The following DYNC1I1 variants were observed in gnomAD, a reference collection of about 807,000 sequenced individuals.
The protein encoded by DYNC1I1 is cytoplasmic dynein 1 intermediate chain 1.
Under a neutral mutation model 86.6 loss-of-function variants are expected in DYNC1I1, and 43 were observed. The observed-to-expected ratio is 0.50, with a 90% CI of 0.39 to 0.64. DYNC1I1 has a LOEUF of 0.64. DYNC1I1 is among the 30% of genes least tolerant of loss of function. The probability of loss-of-function intolerance (pLI) is 0.00; values close to 1 mark genes in which losing one functional copy is unlikely to be tolerated. For synonymous variants in DYNC1I1, 262 were observed against 283.7 expected, an observed-to-expected ratio of 0.92 and a Z score of 0.77; for missense variants, 604 against 788.8, an observed-to-expected ratio of 0.77 and a Z score of 2.81.
At chr7:95,976,014 G>A (rs929224873) in intron 6 of DYNC1I1, among the ~76,000 whole-genome samples, 1 of 152,278 alleles carries the variant, frequency 6.6e-6, no homozygotes, top group African/African-American at 2.4e-5. Context: ...TACGGATAAG[G>A]ACATAGATAT....
chr7:95,933,202 C>G (rs914771815), intron 6 of DYNC1I1, among the ~76,000 whole-genome samples: 1 of 152,094 alleles, frequency 6.6e-6, no homozygotes, highest in Non-Finnish European at 1.5e-5. Context: ...TTTATTTATA[C>G]TTTTTAAAAA....
At chr7:96,078,685 C>A (rs1790419672) in intron 15 of DYNC1I1, among the ~76,000 whole-genome samples, 1 of 151,966 alleles carries the variant, frequency 6.6e-6, no homozygotes, top group Non-Finnish European at 1.5e-5. Flanking sequence ...ACATTTTATT[C>A]TATTTTTAAG....
At chr7:95,867,385 A>G (rs1361470738) in intron 5 of DYNC1I1, among the ~76,000 whole-genome samples, 1 of 152,228 alleles carries the variant, frequency 6.6e-6, no homozygotes, top group Non-Finnish European at 1.5e-5. Context: ...TTTACAGATA[A>G]GAAACATGAG....
At chr7:95,826,549 G>A (rs1795207553) in intron 4 of DYNC1I1, among the ~76,000 whole-genome samples, 1 of 152,074 alleles carries the variant, frequency 6.6e-6, no homozygotes, top group Non-Finnish European at 1.5e-5. Context: ...ACAGTTCTAG[G>A]CATATCCCTA....
At chr7:95,776,856 T>C (rs1793854074) in intron 1 of DYNC1I1, among the ~76,000 whole-genome samples, 1 of 152,194 alleles carries the variant, frequency 6.6e-6, no homozygotes, top group Non-Finnish European at 1.5e-5. Context: ...TTTATAGATG[T>C]GTTAGTTCAT....
chr7:95,883,210 A>T (rs759984851), intron 6 of DYNC1I1, among the ~76,000 whole-genome samples: 5 of 152,182 alleles, frequency 3.3e-5, no homozygotes, highest in African/African-American at 4.8e-5. Flanking sequence ...ACTTTTTAAA[A>T]AGACCTCACA....
intron 6 of DYNC1I1, among the ~76,000 whole-genome samples, chr7:95,973,261 T>C (rs1469197814): frequency 1.3e-5 from 2 of 152,226 alleles, no homozygotes; most frequent in Non-Finnish European, 2.9e-5. Context: ...AAATATACTC[T>C]CTTTGCTGAG....
At position 95,775,924 on chromosome 7, in the gene DYNC1I1, A is replaced by G. The variant is rs147878077; in HGVS notation, c.-10+3151A>G. Among the ~76,000 whole-genome samples the G allele has an allele frequency of 2.4e-4, 36 of 152,344 alleles. No individual in the cohort carries two copies. The East Asian group carries it at 6.6e-3, about 28-fold the overall frequency. The stretch of plus-strand genomic sequence containing the variant: ...CTCTCATTTTTCTTCTTTGCAATGT[A>G]TAAACCCTTGACGAGGTCCATGTAA... On this transcript the variant is annotated intron_variant, in intron 1 of 16. Coordinates refer to ENST00000447467, the MANE Select transcript of DYNC1I1 (RefSeq NM_001135556.2).
At position 95,930,952 on chromosome 7, in the gene DYNC1I1, T is replaced by G. The variant is rs984535238; in HGVS notation, c.491-46560T>G. ...AGTATTTCAGTGTTCACAGGACAGC[T>G]AATTGGAGAACAAAGCCCTGGCATT... On this transcript the variant is annotated intron_variant, in intron 6 of 16. Coordinates refer to ENST00000447467, the MANE Select transcript of DYNC1I1 (RefSeq NM_001135556.2). Among the ~76,000 whole-genome samples the G allele has an allele frequency of 3.3e-5, 5 of 152,162 alleles. 1 individual carries two copies. The highest frequency in any genetic ancestry group is 3.3e-4 in the Admixed American group (5 of 15,278).
chr7:95,939,375 C>CTGTCTAA (rs1792137582), intron 6 of DYNC1I1, among the ~76,000 whole-genome samples: 1 of 152,086 alleles, frequency 6.6e-6, no homozygotes, highest in Admixed American at 6.5e-5. Context: ...TCTCATTGAT[C>CTGTCTAA]TGTCTAATGT....
intron 6 of DYNC1I1, among the ~76,000 whole-genome samples, chr7:95,874,701 G>A (rs1378929601): frequency 1.3e-5 from 2 of 152,142 alleles, no homozygotes; most frequent in Non-Finnish European, 2.9e-5. Context: ...CCGAGGAAAG[G>A]CCATGTGAGG....
chr7:95,811,811 A>G (rs925761780), intron 3 of DYNC1I1, among the ~76,000 whole-genome samples: 1 of 152,154 alleles, frequency 6.6e-6, no homozygotes, highest in African/African-American at 2.4e-5. Flanking sequence ...GACATCTGAT[A>G]TGAGTTAGAC....
chr7:95,810,451 A>G lies in DYNC1I1; in HGVS notation c.168A>G (p.Arg56=). 2 of 1,613,200 alleles carry G rather than the reference A, an allele frequency of 1.2e-6. No individual in the cohort carries two copies. Residue 56 remains arginine, a synonymous_variant, in exon 3 of 17, where the codon CGA becomes CGG. Transcript: ENST00000447467. ...VQDDSDLDRK[R]RETEALLQSI... ...ACGACTCTGATCTGGATCGCAAACG[A>G]CGAGAGACAGAGGCTTTGCTGCAAA...
chr7:95,844,204 T>TAGA (rs1246706355), intron 5 of DYNC1I1, among the ~76,000 whole-genome samples: 2 of 152,178 alleles, frequency 1.3e-5, no homozygotes, highest in Non-Finnish European at 2.9e-5. Flanking sequence ...TAGTACCTTA[T>TAGA]AGAATATTTA....
At chr7:96,077,749 GGAGT>G (rs1317119580) in intron 15 of DYNC1I1, among the ~76,000 whole-genome samples, 3 of 152,054 alleles carry the variant, frequency 2.0e-5, no homozygotes, top group African/African-American at 7.2e-5. Context: ...GCATATGAAG[GGAGT>G]GAGTGTTCTA....
At chr7:95,906,166 C>T (rs183911459) in intron 6 of DYNC1I1, among the ~76,000 whole-genome samples, 122 of 152,252 alleles carry the variant, frequency 8.0e-4, no homozygotes, top group African/African-American at 2.8e-3. Flanking sequence ...TCTATTATTT[C>T]TGGAAGCCTT....
chr7:95,807,766 T>G (rs749867369), intron 2 of DYNC1I1, among the ~76,000 whole-genome samples: 5 of 152,162 alleles, frequency 3.3e-5, no homozygotes, highest in Non-Finnish European at 7.4e-5. Context: ...TCTGATACCT[T>G]TACCCATAAC....
intron 6 of DYNC1I1, among the ~76,000 whole-genome samples, chr7:95,974,886 A>G (rs1488513): frequency 0.51 from 77,605 of 151,958 alleles, 20,294 homozygotes; most frequent in African/African-American, 0.6. Context: ...AAGCCTCCTT[A>G]CCTTGCAATA....
In DYNC1I1 at chr7:95,863,532, C is replaced by A. The variant is rs540460051; in HGVS notation, c.375-6351C>A. ...TATTTTAACAAAAAAATTAAGGCAG[C>A]CTTGATCTTAAGTCTCTGGTCAACC... On this transcript the variant is annotated intron_variant, in intron 5 of 16. Coordinates refer to ENST00000447467, the MANE Select transcript of DYNC1I1 (RefSeq NM_001135556.2). Among the ~76,000 whole-genome samples the A allele has an allele frequency of 6.6e-5, 10 of 152,210 alleles. 1 individual carries two copies. The South Asian group carries it at 2.1e-3, about 32-fold the overall frequency.
Sources: gnomAD v4.1 joint callset for allele counts (sites outside exome capture counted in the v4.1 genomes callset) on GRCh38, gnomAD v4.1.1 for gene constraint, MANE v1.5 for transcripts, NCBI Gene and HGNC (gene_info 2026-07-23, HGNC 2026-07-21) for gene names.